Variants in ERBB4 observed in about 807,000 individuals in gnomAD.
The protein encoded by ERBB4 is receptor tyrosine-protein kinase erbB-4.
In ERBB4, 42 loss-of-function variants were observed where a neutral mutation model predicts 158.0. The ratio of observed to expected loss-of-function variants is 0.27; its 90% CI spans 0.21 to 0.34. The LOEUF (loss-of-function observed/expected upper bound fraction) is 0.34. Ranked by LOEUF, ERBB4 falls within the 10% of genes least tolerant of loss-of-function variation. The probability of loss-of-function intolerance (pLI) is 1.00; values close to 1 mark genes in which losing one functional copy is unlikely to be tolerated. For synonymous variants in ERBB4, 583 were observed against 558.7 expected, an observed-to-expected ratio of 1.04 and a Z score of -0.61; for missense variants, 1,333 against 1,624.1, an observed-to-expected ratio of 0.82 and a Z score of 3.08.
chr2:211,764,252 A>C (rs1324613493), intron 4 of ERBB4, among the ~76,000 whole-genome samples: 1 of 152,238 alleles, frequency 6.6e-6, no homozygotes, highest in African/African-American at 2.4e-5. Flanking sequence ...AAATTGAGTT[A>C]TTATTTATAG....
At chr2:212,236,439 T>A (rs1279656651) in intron 1 of ERBB4, among the ~76,000 whole-genome samples, 2 of 152,184 alleles carry the variant, frequency 1.3e-5, no homozygotes, top group African/African-American at 4.8e-5. Flanking sequence ...TCTTTTGTGG[T>A]GTCTCTGCCA....
At chr2:211,955,752 C>T in intron 2 of ERBB4, among the ~76,000 whole-genome samples, 1 of 152,142 alleles carries the variant, frequency 6.6e-6, no homozygotes, top group East Asian at 1.9e-4. Context: ...TAAACTGTTT[C>T]TGCATAATAC....
intron 1 of ERBB4, among the ~76,000 whole-genome samples, chr2:212,183,713 A>G (rs1054382231): frequency 3.3e-5 from 5 of 152,070 alleles, no homozygotes; most frequent in Admixed American, 2.6e-4. Flanking sequence ...CCATTGTACT[A>G]ACATGAAAGA....
intron 7 of ERBB4, among the ~76,000 whole-genome samples, chr2:211,713,900 T>C (rs1456969429): frequency 6.6e-6 from 1 of 151,978 alleles, no homozygotes; most frequent in African/African-American, 2.4e-5. Flanking sequence ...CAAGATAGAG[T>C]AGATTTCTTT....
At chr2:211,910,534 T>C (rs569588335) in intron 3 of ERBB4, among the ~76,000 whole-genome samples, 40 of 151,478 alleles carry the variant, frequency 2.6e-4, no homozygotes, top group African/African-American at 9.4e-4. Flanking sequence ...TGAGAACACA[T>C]AGACACATAG....
intron 4 of ERBB4, among the ~76,000 whole-genome samples, chr2:211,761,187 C>A (rs2075402005): frequency 1.8e-5 from 2 of 113,558 alleles, no homozygotes; most frequent in South Asian, 6.8e-4. Flanking sequence ...GGGTGAGATT[C>A]CTCAAAAAAA....
In ERBB4 at chr2:211,409,631, C is replaced by G. The variant is rs150853943; in HGVS notation, c.3135+10810G>C. On this transcript the variant is annotated intron_variant, in intron 25 of 27. Coordinates refer to ENST00000342788, the MANE Select transcript of ERBB4 (RefSeq NM_005235.3). ...ATCGAGCAGGGGCTCTGGCTTCTCA[C>G]TGTGCTCCCAGTAAGATCCTTTTAA... Among the ~76,000 whole-genome samples the G allele has an allele frequency of 8.5e-5, 13 of 152,248 alleles. No homozygotes were observed. The East Asian group carries it at 2.5e-3, about 29-fold the overall frequency.
chr2:211,502,294 G>A (rs900335027), intron 20 of ERBB4, among the ~76,000 whole-genome samples: 10 of 152,206 alleles, frequency 6.6e-5, no homozygotes, highest in Admixed American at 5.9e-4. Flanking sequence ...ATTTAACAAT[G>A]CAAAGGAAGC....
chr2:212,391,683 ATATATAT>A (rs1388032003), intron 1 of ERBB4, among the ~76,000 whole-genome samples: 1 of 127,786 alleles, frequency 7.8e-6, no homozygotes, highest in African/African-American at 3.1e-5. Context: ...TATATATATT[ATATATAT>A]TATATTATAT....
intron 3 of ERBB4, among the ~76,000 whole-genome samples, chr2:211,854,539 T>C (rs1448593069): frequency 6.6e-6 from 1 of 152,164 alleles, no homozygotes; most frequent in African/African-American, 2.4e-5. Flanking sequence ...AAGCACATAT[T>C]AGTTTTACCT....
chr2:211,447,917 G>A (rs547463244), intron 20 of ERBB4, among the ~76,000 whole-genome samples: 6 of 152,226 alleles, frequency 3.9e-5, no homozygotes, highest in African/African-American at 9.6e-5. Flanking sequence ...AGAGAAACAT[G>A]GCTGGGGTTT....
chr2:211,467,352 G>A (rs2125517415), intron 20 of ERBB4, among the ~76,000 whole-genome samples: 1 of 152,224 alleles, frequency 6.6e-6, no homozygotes, highest in East Asian at 1.9e-4. Context: ...ATCTCTCTGG[G>A]TTGTTGCAAC....
At position 211,885,233 on chromosome 2, in the gene ERBB4, A is replaced by G. The variant is rs187673977; in HGVS notation, c.421+62197T>C. 1.1e-4 allele frequency among the ~76,000 whole-genome samples: 17 copies of G among 152,338 alleles called. No individual in the cohort carries two copies. In the East Asian group the frequency reaches 3.1e-3, roughly 28 times the overall value. ...ATTTGTTATGACAAGTGTATAAAAAATGAAACTCATGTTTTATAATAGAGA... is the reference window on the plus strand; with the variant it reads ...ATTTGTTATGACAAGTGTATAAAAAGTGAAACTCATGTTTTATAATAGAGA... On this transcript the variant is annotated intron_variant, in intron 3 of 27. Coordinates refer to ENST00000342788, the MANE Select transcript of ERBB4 (RefSeq NM_005235.3).
chr2:211,955,294 G>A (rs1312075021), intron 2 of ERBB4, among the ~76,000 whole-genome samples: 1 of 151,972 alleles, frequency 6.6e-6, no homozygotes, highest in Non-Finnish European at 1.5e-5. Flanking sequence ...CTCAACCCAT[G>A]ACTTCTTAGC....
At chr2:211,944,668 G>T (rs934580058) in intron 3 of ERBB4, among the ~76,000 whole-genome samples, 2 of 152,106 alleles carry the variant, frequency 1.3e-5, no homozygotes, top group African/African-American at 4.8e-5. Flanking sequence ...TGGATATTGT[G>T]CTACCATTTC....
chr2:211,517,692 G>A (rs923613092), intron 20 of ERBB4, among the ~76,000 whole-genome samples: 23 of 152,082 alleles, frequency 1.5e-4, no homozygotes, highest in Non-Finnish European at 7.4e-5. Flanking sequence ...ACAAGAAAGC[G>A]AATCACTGTG....
At chr2:212,091,117 T>C (rs922932001) in intron 2 of ERBB4, among the ~76,000 whole-genome samples, 16 of 151,300 alleles carry the variant, frequency 1.1e-4, no homozygotes, top group African/African-American at 3.9e-4. Flanking sequence ...TAAATGTCTA[T>C]ACAGAAAACA....
intron 4 of ERBB4, among the ~76,000 whole-genome samples, chr2:211,784,261 T>C (rs891983379): frequency 2.0e-5 from 3 of 152,196 alleles, no homozygotes; most frequent in African/African-American, 7.2e-5. Flanking sequence ...ACATTTAGCC[T>C]TCCTTCCAAC....
chr2:211,739,165 C>T (rs2074706769), intron 5 of ERBB4, among the ~76,000 whole-genome samples: 2 of 152,062 alleles, frequency 1.3e-5, no homozygotes, highest in Non-Finnish European at 2.9e-5. Flanking sequence ...TACTACCCAT[C>T]TTATGCCTTT....
Sources: gnomAD v4.1 joint callset for allele counts (sites outside exome capture counted in the v4.1 genomes callset) on GRCh38, gnomAD v4.1.1 for gene constraint, MANE v1.5 for transcripts, NCBI Gene and HGNC (gene_info 2026-07-23, HGNC 2026-07-21) for gene names.